Variants in MDGA2 observed in about 807,000 individuals in gnomAD.
MDGA2 encodes the protein MAM domain-containing glycosylphosphatidylinositol anchor protein 2.
A neutral mutation model predicts 117.8 loss-of-function variants in MDGA2; 40 were observed. That is an observed-to-expected ratio of 0.34 (90% CI 0.26 to 0.44). The LOEUF (loss-of-function observed/expected upper bound fraction) is 0.44, where lower values mean the gene tolerates loss of function less well. Among genes scored for constraint, MDGA2 ranks in the 20% least tolerant of loss-of-function variants. The pLI, the probability that MDGA2 is intolerant of heterozygous loss-of-function variation, is 1.00. For synonymous variants in MDGA2, 452 were observed against 439.0 expected, an observed-to-expected ratio of 1.03 and a Z score of -0.37; for missense variants, 1,123 against 1,250.6, an observed-to-expected ratio of 0.90 and a Z score of 1.54.
chr14:47,049,085 T>C (rs1889362079), intron 7 of MDGA2, among the ~76,000 whole-genome samples: 1 of 152,112 alleles, frequency 6.6e-6, no homozygotes, highest in Non-Finnish European at 1.5e-5. Context: ...ATGTCAACTA[T>C]ATCTATTTTG....
intron 3 of MDGA2, among the ~76,000 whole-genome samples, chr14:47,215,358 C>T (rs1249196714): frequency 6.6e-6 from 1 of 152,052 alleles, no homozygotes; most frequent in South Asian, 2.1e-4. Context: ...CAATTTTAGA[C>T]ACCAGCATTG....
At chr14:47,431,730 G>A (rs1034372330) in intron 1 of MDGA2, among the ~76,000 whole-genome samples, 2 of 151,982 alleles carry the variant, frequency 1.3e-5, no homozygotes, top group Non-Finnish European at 2.9e-5. Flanking sequence ...GTAACTTCAT[G>A]GTGAAAAATA....
At chr14:47,194,924 G>T (rs938832030) in intron 3 of MDGA2, among the ~76,000 whole-genome samples, 8 of 151,946 alleles carry the variant, frequency 5.3e-5, no homozygotes, top group African/African-American at 1.9e-4. Flanking sequence ...AGGACCAAAT[G>T]CATTGTTTGT....
chr14:47,320,847 G>C (rs1889958580), intron 1 of MDGA2, among the ~76,000 whole-genome samples: 1 of 152,056 alleles, frequency 6.6e-6, no homozygotes, highest in Non-Finnish European at 1.5e-5. Context: ...AGAATGCTTT[G>C]AGTACTTGTG....
At chr14:46,867,516 C>CAT (rs1488421724) in intron 14 of MDGA2, among the ~76,000 whole-genome samples, 2 of 151,964 alleles carry the variant, frequency 1.3e-5, no homozygotes, top group East Asian at 3.9e-4. Context: ...ACATTGTGCA[C>CAT]ATGTACCCTA....
At chr14:46,869,817 C>T (rs1020602578) in intron 14 of MDGA2, among the ~76,000 whole-genome samples, 4 of 151,890 alleles carry the variant, frequency 2.6e-5, no homozygotes, top group African/African-American at 9.7e-5. Context: ...CCATGTTATG[C>T]GACAGCCCTG....
chr14:47,494,462 A>G (rs1295274596), intron 1 of MDGA2, among the ~76,000 whole-genome samples: 1 of 152,088 alleles, frequency 6.6e-6, no homozygotes, highest in East Asian at 1.9e-4. Flanking sequence ...GTTTGCAAAT[A>G]TTTTCTCCCA....
At chr14:47,629,591 A>T (rs539085471) in intron 1 of MDGA2, among the ~76,000 whole-genome samples, 1 of 152,214 alleles carries the variant, frequency 6.6e-6, no homozygotes, top group Non-Finnish European at 1.5e-5. Flanking sequence ...GGGTAAGAAG[A>T]GATGCCTTAT....
chr14:47,303,963 T>G (rs1206759675), intron 1 of MDGA2, among the ~76,000 whole-genome samples: 2 of 152,148 alleles, frequency 1.3e-5, no homozygotes, highest in Non-Finnish European at 2.9e-5. Flanking sequence ...TTTACAAGGG[T>G]TAATTTTCTG....
chr14:46,923,741 C>T (rs889988760), intron 9 of MDGA2, among the ~76,000 whole-genome samples: 2 of 151,926 alleles, frequency 1.3e-5, no homozygotes, highest in African/African-American at 4.8e-5. Flanking sequence ...TGAAATGAGA[C>T]ACACTTAATT....
chr14:47,394,476 T>C (rs1891964660), intron 1 of MDGA2, among the ~76,000 whole-genome samples: 1 of 152,180 alleles, frequency 6.6e-6, no homozygotes, highest in African/African-American at 2.4e-5. Context: ...AGAAAGAGTA[T>C]CATATAGGCG....
chr14:47,428,280 A>C (rs1892729998), intron 1 of MDGA2, among the ~76,000 whole-genome samples: 2 of 152,162 alleles, frequency 1.3e-5, no homozygotes, highest in Admixed American at 1.3e-4. Flanking sequence ...ATTTGAAAAG[A>C]TTAATGTGCA....
chr14:47,138,909 T>A (rs1193483153), intron 4 of MDGA2, among the ~76,000 whole-genome samples: 2 of 152,078 alleles, frequency 1.3e-5, no homozygotes, highest in African/African-American at 4.8e-5. Flanking sequence ...TGAATTCATA[T>A]CAGCTTTAGG....
chr14:47,058,061 AG>A, intron 7 of MDGA2, among the ~76,000 whole-genome samples: 1 of 152,284 alleles, frequency 6.6e-6, no homozygotes, highest in East Asian at 1.9e-4. Context: ...CTGTCATTTA[AG>A]AAAAATGATT....
At chr14:47,573,948 A>C (rs1896067380) in intron 1 of MDGA2, among the ~76,000 whole-genome samples, 1 of 152,176 alleles carries the variant, frequency 6.6e-6, no homozygotes, top group Admixed American at 6.5e-5. Flanking sequence ...AATTCTATGG[A>C]CTGCATCAAA....
At chr14:47,047,752 T>C (rs1418247873) in intron 7 of MDGA2, among the ~76,000 whole-genome samples, 1 of 152,024 alleles carries the variant, frequency 6.6e-6, no homozygotes, top group Admixed American at 6.6e-5. Flanking sequence ...TTCATACTTA[T>C]GATGTCTCGA....
Position 46,969,347 on chromosome 14 carries a change from C to T in MDGA2, c.1820-11704G>A, listed in dbSNP as rs143190330. Among the ~76,000 whole-genome samples the T allele has an allele frequency of 7.8e-3, 1,181 of 152,292 alleles. 9 individuals carry two copies. Among genetic ancestry groups the T allele is most frequent in the Middle Eastern group, 0.024 (7 of 294 alleles). On this transcript the variant is annotated intron_variant, in intron 8 of 16. Coordinates refer to ENST00000399232, the MANE Select transcript of MDGA2 (RefSeq NM_001113498.3). ...CACACTGACTTCCACAAGGGTTGAA[C>T]TAGTTTACAGTCCCACCAACAGTGT...
intron 9 of MDGA2, among the ~76,000 whole-genome samples, chr14:46,922,881 G>A (rs1056900370): frequency 2.0e-5 from 3 of 152,190 alleles, no homozygotes; most frequent in Non-Finnish European, 2.9e-5. Context: ...AATGCGGATG[G>A]AGCGAAGTAG....
At chr14:47,087,431 T>C (rs748204083) in intron 6 of MDGA2, among the ~76,000 whole-genome samples, 50 of 135,572 alleles carry the variant, frequency 3.7e-4, no homozygotes, top group Admixed American at 1.2e-3. Flanking sequence ...GCATGAGAAT[T>C]GCTTAAACAC....
Sources: gnomAD v4.1 joint callset for allele counts (sites outside exome capture counted in the v4.1 genomes callset) on GRCh38, gnomAD v4.1.1 for gene constraint, MANE v1.5 for transcripts, NCBI Gene and HGNC (gene_info 2026-07-23, HGNC 2026-07-21) for gene names.